Variants in BEST3 observed in about 807,000 individuals in gnomAD.
The protein encoded by BEST3 is bestrophin-3.
Under a neutral mutation model 47.1 loss-of-function variants are expected in BEST3, and 50 were observed. That is an observed-to-expected ratio of 1.06 (90% CI 0.85 to 1.34). The LOEUF (loss-of-function observed/expected upper bound fraction) is 1.34, where lower values mean the gene tolerates loss of function less well. Ranked by LOEUF, BEST3 falls within the 40% of genes most tolerant of loss-of-function variation. The pLI is 0.00. For synonymous variants in BEST3, 282 were observed against 298.8 expected (o/e 0.94, Z 0.58); for missense variants, 765 against 817.0 (o/e 0.94, Z 0.78).
chr12:69,655,405 T>C lies in BEST3; in HGVS notation c.1509A>G (p.Val503=), dbSNP rs1162348464. 6.2e-7 allele frequency: 1 copy of C among 1,614,156 alleles called. No homozygotes were observed. Among genetic ancestry groups the C allele is most frequent in the East Asian group, 2.2e-5 (1 of 44,878 alleles). Residue 503 remains valine (V), a synonymous_variant, in exon 10 of 10, where the codon GTA becomes GTG. Coordinates refer to ENST00000330891, the MANE Select transcript of BEST3 (RefSeq NM_032735.3). ...CTGGTGCTTCGGCTGCTGTGATCAA[T>C]ACCTCAGGTACCAGTGGCATTTTGA... ...SPIKMPLVPE[V]LITAAEAPVP...
At position 69,671,413 on chromosome 12, in the gene BEST3, T is replaced by A. The variant is rs369115778; in HGVS notation, c.1100+15A>T. 9.2e-5 allele frequency: 146 copies of A among 1,595,506 alleles called. No individual in the cohort carries two copies. Among genetic ancestry groups the A allele is most frequent in the African/African-American group, 7.3e-4 (54 of 74,248 alleles). ...AGGCTGGAAAATATTAGAGATTTTT[T>A]AAAAATGCACTTACCCCATCTGGAC... On this transcript the variant is annotated intron_variant, in intron 9 of 9. Coordinates refer to ENST00000330891, the MANE Select transcript of BEST3 (RefSeq NM_032735.3).
At chr12:69,679,277 C>T (rs1227480463) in intron 4 of BEST3, among the ~76,000 whole-genome samples, 2 of 152,186 alleles carry the variant, frequency 1.3e-5, no homozygotes, top group Admixed American at 6.5e-5. Flanking sequence ...AATATGATAA[C>T]GTATATAAAG....
chr12:69,677,826 A>G (rs1446393846), intron 5 of BEST3, among the ~76,000 whole-genome samples: 3 of 152,194 alleles, frequency 2.0e-5, no homozygotes, highest in African/African-American at 4.8e-5. Context: ...CCGCCATTCT[A>G]TTGAACCCAT....
chr12:69,645,754 G>GAT (rs752817323), intron 9 of BEST3, among the ~76,000 whole-genome samples: 2 of 152,040 alleles, frequency 1.3e-5, no homozygotes, highest in Non-Finnish European at 2.9e-5. Flanking sequence ...CGATTGAAGT[G>GAT]ATATATATAA....
intron 4 of BEST3, among the ~76,000 whole-genome samples, chr12:69,686,779 C>CAAAAAAAAAAAAACAAA (rs71094728): frequency 1.0e-5 from 1 of 99,382 alleles, no homozygotes; most frequent in African/African-American, 4.9e-5. Context: ...CTCAAAAAAA[C>CAAAAAAAAAAAAACAAA]AAAAAAAAAA....
intron 9 of BEST3, among the ~76,000 whole-genome samples, chr12:69,665,626 A>C (rs1373114890): frequency 2.2e-5 from 3 of 135,300 alleles, no homozygotes; most frequent in African/African-American, 5.5e-5. Flanking sequence ...AACAAACAAA[A>C]AAAAAGGCAA....
chr12:69,663,287 T>G (rs811348), intron 9 of BEST3, among the ~76,000 whole-genome samples: 120,859 of 152,180 alleles, frequency 0.79, 48,241 homozygotes, highest in African/African-American at 0.87. Flanking sequence ...TTGTTCATTT[T>G]TTTTTAAAAA....
intron 4 of BEST3, chr12:69,689,276 G>C: frequency 1.0e-6 from 1 of 985,830 alleles, no homozygotes; most frequent in Non-Finnish European, 1.2e-6. Context: ...AGCCCTCTCT[G>C]CTGGGGAAAG....
At position 69,693,663 on chromosome 12, in the gene BEST3, A is replaced by C. The variant is rs766599661; in HGVS notation, c.481+11T>G. On this transcript the variant is annotated intron_variant, in intron 4 of 9. Coordinates refer to ENST00000330891, the MANE Select transcript of BEST3 (RefSeq NM_032735.3). ...AGAAGAGCCCATGGAAGGAAAAGCC[A>C]TTCATAGTACCTGCTTCAACCACGT... The C allele has an allele frequency of 1.4e-5, 23 of 1,589,556 alleles. No individual in the cohort carries two copies. Among genetic ancestry groups the C allele is most frequent in the Non-Finnish European group, 1.8e-5 (21 of 1,158,904 alleles).
At position 69,655,350 on chromosome 12, in the gene BEST3, A is replaced by T; in HGVS notation, c.1564T>A (p.Ser522Thr). 1 of 1,614,102 alleles carries T rather than the reference A, an allele frequency of 6.2e-7. No individual in the cohort carries two copies. Among genetic ancestry groups the T allele is most frequent in the Non-Finnish European group, 8.5e-7 (1 of 1,180,018 alleles). The change falls in exon 10 of 10, where the codon TCC (serine) becomes ACC (threonine). Residue 522 changes from serine (S) to threonine (T), a missense_variant. By Grantham distance (58) the Ser-to-Thr change is moderately conservative (BLOSUM62 1). Coordinates refer to ENST00000330891, the MANE Select transcript of BEST3 (RefSeq NM_032735.3). ...VPTSGGYHHD[S>T]ATSILSSEFT... ...TCAGAGCTCAAGATGGAGGTAGCGG[A>T]ATCATGGTGGTAGCCCCCTGATGTG...
At chr12:69,650,374 A>G (rs568247420), downstream of BEST3, among the ~76,000 whole-genome samples, 1 of 152,252 alleles carries the variant, frequency 6.6e-6, no homozygotes, top group Non-Finnish European at 1.5e-5. Flanking sequence ...ATTAAGGTCC[A>G]TAGAACTAAA....
chr12:69,670,595 G>T, intron 9 of BEST3: 1 of 701,938 alleles, frequency 1.4e-6, no homozygotes, highest in Non-Finnish European at 2.6e-6. Flanking sequence ...GTAGAAGGAG[G>T]AGGGCAGGCC....
At chr12:69,668,794 G>T (rs568980928) in intron 9 of BEST3, among the ~76,000 whole-genome samples, 1 of 152,278 alleles carries the variant, frequency 6.6e-6, no homozygotes, top group African/African-American at 2.4e-5. Flanking sequence ...CTCAGAAATG[G>T]ATATGTGAGC....
At chr12:69,659,709 T>G (rs536602643) in intron 9 of BEST3, among the ~76,000 whole-genome samples, 6 of 4,998 alleles carry the variant, frequency 1.2e-3, no homozygotes, top group South Asian at 0.33. Flanking sequence ...AAATTTTAGT[T>G]TCTTTTATTT....
At chr12:69,668,654 C>T (rs892859566) in intron 9 of BEST3, among the ~76,000 whole-genome samples, 7 of 152,152 alleles carry the variant, frequency 4.6e-5, no homozygotes, top group African/African-American at 7.2e-5. Flanking sequence ...ATAATAGCAC[C>T]CTGCTTTTTC....
At chr12:69,697,481 G>A (rs1033984476) in intron 2 of BEST3, among the ~76,000 whole-genome samples, 166 bp downstream of exon 2, 1 of 152,186 alleles carries the variant, frequency 6.6e-6, no homozygotes, top group Non-Finnish European at 1.5e-5. Context: ...ACAATGGTTA[G>A]TGGTGGATTA....
chr12:69,682,081 C>CAAAAAAAAAAA (rs35331064), intron 4 of BEST3, among the ~76,000 whole-genome samples: 1 of 102,320 alleles, frequency 9.8e-6, no homozygotes, highest in Non-Finnish European at 1.8e-5. Context: ...GACTCCGTCT[C>CAAAAAAAAAAA]AAAAAAAAAA....
intron 9 of BEST3, among the ~76,000 whole-genome samples, chr12:69,646,845 G>T (rs996031635): frequency 6.6e-6 from 1 of 152,220 alleles, no homozygotes; most frequent in Non-Finnish European, 1.5e-5. Flanking sequence ...TTCCTTTGGA[G>T]TCAGTAGGGT....
intron 4 of BEST3, among the ~76,000 whole-genome samples, chr12:69,682,972 T>C (rs1339830393): frequency 6.6e-6 from 1 of 152,250 alleles, no homozygotes; most frequent in Non-Finnish European, 1.5e-5. Flanking sequence ...ATATTCCATA[T>C]CAATTGTCTA....
Sources: allele counts gnomAD v4.1 joint callset (sites outside exome capture counted in the v4.1 genomes callset), GRCh38; gene constraint gnomAD v4.1.1; transcripts MANE v1.5; gene names NCBI Gene and HGNC (gene_info 2026-07-23, HGNC 2026-07-21).